GAS2L3: variants seen among roughly 807,000 people sequenced by gnomAD.
GAS2L3 encodes the protein GAS2-like protein 3.
In GAS2L3, 28 loss-of-function variants were observed where a neutral mutation model predicts 37.0. The ratio of observed to expected loss-of-function variants is 0.76; its 90% CI spans 0.56 to 1.04. The LOEUF is 1.04. GAS2L3 is among the 50% of genes least tolerant of loss of function. The pLI is 0.00. For synonymous variants in GAS2L3, 290 were observed against 296.6 expected (o/e 0.98, Z 0.23); for missense variants, 793 against 817.6 (o/e 0.97, Z 0.37).
chr12:100,615,674 G>A (rs1956178149), intron 6 of GAS2L3, among the ~76,000 whole-genome samples: 1 of 152,056 alleles, frequency 6.6e-6, no homozygotes, highest in Admixed American at 6.6e-5. Context: ...GTATATGGTG[G>A]GAGGTAGGGG....
At chr12:100,617,949 CA>C (rs1956207562) in intron 7 of GAS2L3, 142 bp downstream of exon 7, 1 of 606,122 alleles carries the variant, frequency 1.6e-6, no homozygotes, top group African/African-American at 1.9e-5. Context: ...GTTTCTTTAT[CA>C]ACTTCATTCT....
intron 6 of GAS2L3, among the ~76,000 whole-genome samples, chr12:100,614,071 C>CT (rs1956158650): frequency 6.6e-6 from 1 of 152,090 alleles, no homozygotes; most frequent in Admixed American, 6.5e-5. Flanking sequence ...ATGATCAGGC[C>CT]TTTTTAAAAA....
At chr12:100,601,497 CTG>C in intron 4 of GAS2L3, 139 bp from the exon 5 acceptor site, 1 of 498,676 alleles carries the variant, frequency 2.0e-6, no homozygotes, top group Non-Finnish European at 3.6e-6. Context: ...GCTATTTTAA[CTG>C]TACCTTCTAA....
chr12:100,614,671 G>A (rs559430707), intron 6 of GAS2L3, among the ~76,000 whole-genome samples: 5 of 152,138 alleles, frequency 3.3e-5, no homozygotes, highest in South Asian at 4.2e-4. Flanking sequence ...GTACCTATTA[G>A]CAATTAGTCC....
chr12:100,614,977 T>G (rs1956169194), intron 6 of GAS2L3, among the ~76,000 whole-genome samples: 1 of 152,210 alleles, frequency 6.6e-6, no homozygotes, highest in Non-Finnish European at 1.5e-5. Context: ...CTCTGAACAT[T>G]TGTGTACAAA....
chr12:100,607,652 C>G (rs1467711453), intron 5 of GAS2L3, among the ~76,000 whole-genome samples: 2 of 151,878 alleles, frequency 1.3e-5, no homozygotes, highest in African/African-American at 4.8e-5. Flanking sequence ...TTCAAGTAGT[C>G]CTTCCTTGAA....
chr12:100,597,695 G>C (rs1418227385), intron 3 of GAS2L3, among the ~76,000 whole-genome samples: 1 of 149,040 alleles, frequency 6.7e-6, no homozygotes, highest in Non-Finnish European at 1.5e-5. Flanking sequence ...CATTTTCTTT[G>C]TTTGCCTTGG....
chr12:100,598,996 G>A (rs1277921411), intron 3 of GAS2L3, among the ~76,000 whole-genome samples: 2 of 152,058 alleles, frequency 1.3e-5, no homozygotes, highest in African/African-American at 4.8e-5. Flanking sequence ...GTATTGGGAC[G>A]TTCCCCCTTT....
chr12:100,608,652 GCTGGGA>G (rs1348282262), intron 5 of GAS2L3, among the ~76,000 whole-genome samples: 27 of 152,208 alleles, frequency 1.8e-4, no homozygotes, highest in African/African-American at 6.5e-4. Context: ...CTCCCTAGTA[GCTGGGA>G]CTACAGGCGC....
At chr12:100,592,505 T>C (rs1321051909) in intron 2 of GAS2L3, 1 of 152,134 alleles carries the variant, frequency 6.6e-6, no homozygotes, top group African/African-American at 2.4e-5. Flanking sequence ...AGTTGGTGTT[T>C]TTAATCCCAT....
intron 9 of GAS2L3, among the ~76,000 whole-genome samples, chr12:100,622,782 A>G (rs1474155183): frequency 1.8e-5 from 2 of 113,580 alleles, no homozygotes; most frequent in African/African-American, 6.0e-5. Flanking sequence ...AAAAAAAAAA[A>G]GAAAAGAAAG....
intron 1 of GAS2L3, among the ~76,000 whole-genome samples, chr12:100,587,553 T>A (rs1392064227): frequency 3.9e-5 from 6 of 152,312 alleles, no homozygotes; most frequent in East Asian, 3.9e-4. Context: ...ATTAAAACTC[T>A]CAGCAAAATC....
In GAS2L3 at chr12:100,623,602, G is replaced by T. The variant is rs143410282; in HGVS notation, c.797G>T (p.Gly266Val). Reference protein sequence around the residue: ...GKHVMVRVGGGWDTLQGFLLK... With the variant: ...GKHVMVRVGGVWDTLQGFLLK... The stretch of plus-strand genomic sequence containing the variant: ...CATGTCATGGTTCGCGTTGGTGGAG[G>T]CTGGGATACTCTTCAAGGATTTTTG... The change falls in exon 10 of 10, where the codon GGC becomes GTC. Residue 266 changes from glycine to valine, a missense_variant. Transcript: ENST00000547754. The T allele has an allele frequency of 1.9e-6, 3 of 1,611,226 alleles. No individual in the cohort carries two copies. Among genetic ancestry groups the T allele is most frequent in the Non-Finnish European group, 2.5e-6 (3 of 1,178,870 alleles).
chr12:100,611,927 A>G (rs1055072480), intron 5 of GAS2L3, 73 bp from the exon 6 acceptor site: 65 of 960,464 alleles, frequency 6.8e-5, no homozygotes, highest in Non-Finnish European at 1.0e-4. Context: ...ACATTTATTT[A>G]GCAATATCAA....
intron 2 of GAS2L3, 68 bp downstream of exon 2, chr12:100,591,924 T>C (rs2136427029): frequency 6.6e-6 from 1 of 152,304 alleles, no homozygotes; most frequent in Admixed American, 6.5e-5. Context: ...TATTTCTATT[T>C]TCTTTATTAG....
chr12:100,589,045 A>G (rs1955814747), intron 1 of GAS2L3, among the ~76,000 whole-genome samples: 1 of 152,238 alleles, frequency 6.6e-6, no homozygotes, highest in Non-Finnish European at 1.5e-5. Flanking sequence ...GGTGATGTAC[A>G]TCCTCAGCTT....
At chr12:100,577,607 AT>A (rs1955653716) in intron 1 of GAS2L3, among the ~76,000 whole-genome samples, 1 of 152,190 alleles carries the variant, frequency 6.6e-6, no homozygotes, top group Non-Finnish European at 1.5e-5. Flanking sequence ...CATCTGTTGC[AT>A]TTAGGAGTAA....
chr12:100,588,299 T>C (rs920737553), intron 1 of GAS2L3, among the ~76,000 whole-genome samples: 2 of 152,154 alleles, frequency 1.3e-5, no homozygotes, highest in African/African-American at 2.4e-5. Context: ...AGTTTTACAG[T>C]TGGGCTGCCA....
Position 100,600,417 on chromosome 12 carries a change from G to T in GAS2L3, c.54G>T (p.Arg18=). ...WFGEDLPLSP[R]SPLTPRHGPG... ...GAGAAGATCTGCCTCTAAGTCCTCG[G>T]AGTCCTCTGACTCCCAGACACGGAC... Residue 18 remains arginine, a synonymous_variant, in exon 4 of 10, where the codon CGG becomes CGT. Transcript: ENST00000547754. 1 of 1,608,508 alleles carries T rather than the reference G, an allele frequency of 6.2e-7. No individual in the cohort carries two copies. Among genetic ancestry groups the T allele is most frequent in the Non-Finnish European group, 8.5e-7 (1 of 1,178,126 alleles).
Sources: gnomAD v4.1 joint callset for allele counts (sites outside exome capture counted in the v4.1 genomes callset) on GRCh38, gnomAD v4.1.1 for gene constraint, MANE v1.5 for transcripts, NCBI Gene and HGNC (gene_info 2026-07-23, HGNC 2026-07-21) for gene names.